Variants in SLCO2A1 observed in about 807,000 individuals in gnomAD.
SLCO2A1 encodes the protein matrin F/G 1.
Under a neutral mutation model 71.7 loss-of-function variants are expected in SLCO2A1, and 60 were observed. The ratio of observed to expected loss-of-function variants is 0.84; its 90% CI spans 0.68 to 1.04. The LOEUF (loss-of-function observed/expected upper bound fraction) is 1.04, where lower values mean the gene tolerates loss of function less well. Among genes scored for constraint, SLCO2A1 ranks in the 50% least tolerant of loss-of-function variants. SLCO2A1 has a pLI of 0.00. For missense variants in SLCO2A1, 745 were observed against 813.4 expected, an observed-to-expected ratio of 0.92 and a Z score of 1.02; for synonymous variants, 308 against 326.7, an observed-to-expected ratio of 0.94 and a Z score of 0.62.
chr3:133,959,051 A>G (rs985764987), intron 3 of SLCO2A1, among the ~76,000 whole-genome samples: 4 of 152,182 alleles, frequency 2.6e-5, no homozygotes, highest in Non-Finnish European at 5.9e-5. Flanking sequence ...CAGTTCAGCC[A>G]CTGAAGGACC....
intron 1 of SLCO2A1, among the ~76,000 whole-genome samples, chr3:133,991,191 T>A (rs1934835846): frequency 6.6e-6 from 1 of 152,258 alleles, no homozygotes; most frequent in Admixed American, 6.5e-5. Context: ...TTGGCTCCTC[T>A]GAGGTGCATC....
intron 3 of SLCO2A1, among the ~76,000 whole-genome samples, chr3:133,959,354 C>T (rs1253114263): frequency 6.7e-6 from 1 of 149,028 alleles, no homozygotes; most frequent in East Asian, 1.9e-4. Context: ...CAAATCAAAA[C>T]TACAATGAGA....
intron 1 of SLCO2A1, among the ~76,000 whole-genome samples, chr3:134,029,015 T>C (rs762880768): frequency 1.3e-5 from 2 of 152,104 alleles, no homozygotes; most frequent in Non-Finnish European, 2.9e-5. Context: ...TAGACCTTAC[T>C]GAACCGTGAG....
At chr3:133,964,288 C>G (rs992600021) in intron 3 of SLCO2A1, among the ~76,000 whole-genome samples, 4 of 152,076 alleles carry the variant, frequency 2.6e-5, no homozygotes, top group Non-Finnish European at 2.9e-5. Flanking sequence ...TCAGTGTCCT[C>G]GTCTTCAAAA....
Position 134,029,559 on chromosome 3 carries a change from G to A in SLCO2A1, c.96+148C>T, listed in dbSNP as rs1435044570. ...ACACTCGCACACACACGCCCAGCACGCGTCGCCCGGGGATGAGATCGGAGC... is the reference window on the plus strand; with the variant it reads ...ACACTCGCACACACACGCCCAGCACACGTCGCCCGGGGATGAGATCGGAGC... On this transcript the variant is annotated intron_variant, in intron 1 of 13. Transcript: ENST00000310926. 5.1e-6 allele frequency: 3 copies of A among 586,168 alleles called. No homozygotes were observed. In the Admixed American group the frequency reaches 9.6e-5, roughly 19 times the overall value. 36.3% of individuals were successfully genotyped at this position (586,168 alleles called of 1,614,324 possible).
intron 3 of SLCO2A1, among the ~76,000 whole-genome samples, chr3:133,964,130 C>T (rs1934110579): frequency 6.6e-6 from 1 of 152,162 alleles, no homozygotes; most frequent in Admixed American, 6.5e-5. Context: ...AGAACATAGT[C>T]TTCTGCCCCA....
At chr3:133,968,041 C>T (rs948953228) in intron 3 of SLCO2A1, among the ~76,000 whole-genome samples, 9 of 137,160 alleles carry the variant, frequency 6.6e-5, no homozygotes, top group African/African-American at 2.3e-4. Flanking sequence ...CACCTCCACA[C>T]ATTTCCCCCA....
Position 134,020,846 on chromosome 3 carries a change from C to T in SLCO2A1, c.96+8861G>A, listed in dbSNP as rs527272808. 4.0e-5 allele frequency among the ~76,000 whole-genome samples: 6 copies of T among 149,796 alleles called. No individual in the cohort carries two copies. In the South Asian group the frequency reaches 1.1e-3, roughly 26 times the overall value. ...GTTTGAATTGCTTGACAGGACTGGT[C>T]GTGAGAACTTGCCCACTCCATTTGA... On this transcript the variant is annotated intron_variant, in intron 1 of 13. Transcript: ENST00000310926.
Position 133,934,066 on chromosome 3 carries a change from C to T in SLCO2A1, c.*647G>A, listed in dbSNP as rs913273030. On this transcript the variant is annotated 3_prime_UTR_variant, in exon 14 of 14. Coordinates refer to ENST00000310926, the MANE Select transcript of SLCO2A1 (RefSeq NM_005630.3). ...GGTTTCTCAGTCCCTGCTCTGGTGC[C>T]TGCATGCAGGTAATGGGCAGAGACT... 3 of 152,406 alleles carry T rather than the reference C, an allele frequency of 2.0e-5. No homozygotes were observed. The highest frequency in any genetic ancestry group is 2.1e-4 in the South Asian group (1 of 4,830). 9.4% of individuals were successfully genotyped at this position (152,406 alleles called of 1,614,324 possible). A position where few individuals can be genotyped will look rare whatever the true frequency, so the allele number is the denominator to read the frequency against.
intron 1 of SLCO2A1, among the ~76,000 whole-genome samples, chr3:133,993,053 G>C (rs1395049882): frequency 6.6e-6 from 1 of 152,228 alleles, no homozygotes; most frequent in Non-Finnish European, 1.5e-5. Context: ...GGCTTCAGGG[G>C]TCATGGGCAC....
intron 1 of SLCO2A1, among the ~76,000 whole-genome samples, chr3:133,983,417 G>T (rs1279747571): frequency 6.6e-6 from 1 of 152,216 alleles, no homozygotes; most frequent in African/African-American, 2.4e-5. Context: ...ACCCCAATGA[G>T]CCCTGTGCAG....
At position 133,979,488 on chromosome 3, in the gene SLCO2A1, A is replaced by G. The variant is rs770198146; in HGVS notation, c.227T>C (p.Leu76Ser). ...SSSSSGLISS[L>S]NEISNAILII... ...CCAGAACCTCCTGCTCACCTCATTC[A>G]AGCTGGAAATGAGACCCGATGAAGA... Residue 76 changes from leucine (L) to serine (S), a missense_variant, in exon 2 of 14, where the codon TTG becomes TCG. Physicochemically the swap from Leu to Ser is moderately radical, Grantham distance 145. Coordinates refer to ENST00000310926, the MANE Select transcript of SLCO2A1 (RefSeq NM_005630.3). The G allele has an allele frequency of 6.2e-7, 1 of 1,614,168 alleles. No homozygotes were observed. Among genetic ancestry groups the G allele is most frequent in the East Asian group, 2.2e-5 (1 of 44,878 alleles).
At chr3:133,965,557 C>A (rs1934143811) in intron 3 of SLCO2A1, among the ~76,000 whole-genome samples, 2 of 152,148 alleles carry the variant, frequency 1.3e-5, no homozygotes, top group South Asian at 4.1e-4. Context: ...GGGACCCCAA[C>A]CAAGGAGAAT....
rs768777405 is a variant in SLCO2A1, at chr3:133,945,276, G to A, written c.1296-16C>T. The A allele has an allele frequency of 2.5e-6, 4 of 1,593,724 alleles. No homozygotes were observed. The East Asian group carries it at 9.0e-5, about 36-fold the overall frequency. ...ACTTGATGTGCTGCCAGCAAAAGAG[G>A]AAACGGGGAATCAAACAAAGCAAGA... On this transcript the variant is annotated splice_polypyrimidine_tract_variant and intron_variant, in intron 9 of 13. Coordinates refer to ENST00000310926, the MANE Select transcript of SLCO2A1 (RefSeq NM_005630.3).
In SLCO2A1 at chr3:133,955,102, C is replaced by T; in HGVS notation, c.489G>A (p.Gln163=). 3.1e-6 allele frequency: 5 copies of T among 1,614,208 alleles called. No homozygotes were observed. The highest frequency in any genetic ancestry group is 4.2e-6 in the Non-Finnish European group (5 of 1,180,034). Residue 163 remains glutamine (Q), a synonymous_variant, in exon 4 of 14, where the codon CAG becomes CAA. Transcript: ENST00000310926. ...GGCCCCACATGCTGCTGGTCTCCTT[C>T]TGGGGGTTCTGGGTGGTGCTGTGGC... The part of the protein sequence containing the change: ...SKCHSTTQNP[Q]KETSSMWGLM...
intron 3 of SLCO2A1, among the ~76,000 whole-genome samples, chr3:133,973,395 C>G (rs572123800): frequency 2.0e-5 from 3 of 152,344 alleles, no homozygotes; most frequent in African/African-American, 7.2e-5. Context: ...ATTGCAGAAA[C>G]TGCTCACAGT....
At chr3:134,019,752 C>T (rs1935530013) in intron 1 of SLCO2A1, among the ~76,000 whole-genome samples, 1 of 152,074 alleles carries the variant, frequency 6.6e-6, no homozygotes, top group Non-Finnish European at 1.5e-5. Context: ...TTATCCGCTT[C>T]CCCTAAACTA....
At chr3:133,986,574 A>G (rs1934718492) in intron 1 of SLCO2A1, among the ~76,000 whole-genome samples, 1 of 152,246 alleles carries the variant, frequency 6.6e-6, no homozygotes, top group East Asian at 1.9e-4. Context: ...GGCCTCATTC[A>G]TTCTCCAATC....
At chr3:133,973,556 T>C in intron 3 of SLCO2A1, 107 bp downstream of exon 3, 1 of 1,181,988 alleles carries the variant, frequency 8.5e-7, no homozygotes, top group South Asian at 1.5e-5. Context: ...GAGCTTCATA[T>C]GCCCTCTTCC....
Sources: gnomAD v4.1 joint callset for allele counts (sites outside exome capture counted in the v4.1 genomes callset) on GRCh38, gnomAD v4.1.1 for gene constraint, MANE v1.5 for transcripts, NCBI Gene and HGNC (gene_info 2026-07-23, HGNC 2026-07-21) for gene names.